ADGRG2: variants seen among roughly 807,000 people sequenced by gnomAD.
ADGRG2 encodes the protein G protein-coupled receptor 64.
A neutral mutation model predicts 74.1 loss-of-function variants in ADGRG2; 26 were observed. The ratio of observed to expected loss-of-function variants is 0.35; its 90% CI spans 0.26 to 0.49. The LOEUF (loss-of-function observed/expected upper bound fraction) is 0.49. Among genes scored for constraint, ADGRG2 ranks in the 20% least tolerant of loss-of-function variants. ADGRG2 has a pLI of 0.99. For missense variants in ADGRG2, 619 were observed against 763.1 expected (o/e 0.81, Z 2.22); for synonymous variants, 296 against 295.2 (o/e 1.00, Z -0.03).
intron 3 of ADGRG2, among the ~76,000 whole-genome samples, chrX:19,063,567 G>A (rs901154899): frequency 1.8e-5 from 2 of 112,509 alleles, no homozygotes; most frequent in Non-Finnish European, 3.8e-5. Context: ...GATAATGTGC[G>A]TAAAGCACCT....
At position 19,010,609 on chromosome X, in the gene ADGRG2, G is replaced by A. The variant is rs767149913; in HGVS notation, c.1265+4C>T. On this transcript the variant is annotated splice_donor_region_variant and intron_variant, in intron 17 of 28. Coordinates refer to ENST00000379869, the MANE Select transcript of ADGRG2 (RefSeq NM_001079858.3). ...TACCACCACTTCAGTTTGCGAAGTC[G>A]TACCTTTGAGCCAGAGGGGCCAGCA... 71 of 1,198,268 alleles carry A rather than the reference G, an allele frequency of 5.9e-5. No individual in the cohort carries two copies. Among genetic ancestry groups the A allele is most frequent in the African/African-American group, 3.5e-5 (2 of 56,717 alleles).
chrX:19,083,027 G>A (rs1161882271), intron 1 of ADGRG2, among the ~76,000 whole-genome samples: 1 of 111,002 alleles, frequency 9.0e-6, no homozygotes, highest in Non-Finnish European at 1.9e-5. Context: ...GTTTTGAGAC[G>A]GAGTCTCACT....
intron 3 of ADGRG2, among the ~76,000 whole-genome samples, chrX:19,058,805 C>T (rs1057305825): frequency 2.7e-5 from 3 of 112,318 alleles, no homozygotes; most frequent in Non-Finnish European, 5.6e-5. Context: ...AATGTGAGGC[C>T]TCTTGGCAAG....
intron 23 of ADGRG2, among the ~76,000 whole-genome samples, chrX:19,003,567 T>C: frequency 9.0e-6 from 1 of 110,890 alleles, no homozygotes; most frequent in East Asian, 2.8e-4. Context: ...TATATGTGTA[T>C]ATGGGGTGGG....
chrX:19,100,246 C>T (rs1232883314), intron 1 of ADGRG2, among the ~76,000 whole-genome samples: 1 of 112,742 alleles, frequency 8.9e-6, no homozygotes, highest in Non-Finnish European at 1.9e-5. Context: ...CAAAAGTTAT[C>T]ATAGGTAAAA....
At chrX:19,107,496 T>C (rs764757498) in intron 1 of ADGRG2, among the ~76,000 whole-genome samples, 1 of 111,998 alleles carries the variant, frequency 8.9e-6, no homozygotes, top group Non-Finnish European at 1.9e-5. Flanking sequence ...TTTCTTCCTT[T>C]CTTTGTCCTT....
chrX:19,115,841 G>A (rs1427106156), intron 1 of ADGRG2, among the ~76,000 whole-genome samples: 11 of 110,448 alleles, frequency 1.0e-4, no homozygotes, highest in South Asian at 3.9e-4. Context: ...AGGAGTTTGC[G>A]GCTGCAGTGA....
chrX:19,020,751 G>A (rs758436080), intron 14 of ADGRG2, among the ~76,000 whole-genome samples: 11 of 111,378 alleles, frequency 9.9e-5, no homozygotes, highest in African/African-American at 2.3e-4. Flanking sequence ...CACTTGAGCC[G>A]AGGAGTTCAA....
At chrX:19,051,701 T>C (rs2061326027) in intron 3 of ADGRG2, among the ~76,000 whole-genome samples, 1 of 111,444 alleles carries the variant, frequency 9.0e-6, no homozygotes, top group South Asian at 3.8e-4. Context: ...CTCTTATCCT[T>C]AGAACTCAGG....
At chrX:19,014,853 G>A (rs190741098) in intron 15 of ADGRG2, among the ~76,000 whole-genome samples, 2 of 111,378 alleles carry the variant, frequency 1.8e-5, no homozygotes, top group Admixed American at 9.6e-5. Flanking sequence ...GGCTGGTCTC[G>A]AACTCCTGAC....
At chrX:19,043,754 C>T (rs2061119852) in intron 3 of ADGRG2, among the ~76,000 whole-genome samples, 1 of 77,076 alleles carries the variant, frequency 1.3e-5, no homozygotes, top group Admixed American at 1.5e-4. Context: ...TACATCCCCT[C>T]CCAGGCATTT....
intron 3 of ADGRG2, among the ~76,000 whole-genome samples, chrX:19,048,396 C>T (rs190585219): frequency 8.9e-5 from 10 of 111,774 alleles, no homozygotes; most frequent in Admixed American, 3.8e-4. Flanking sequence ...CTATGAGGTA[C>T]GTTATCCCCA....
intron 6 of ADGRG2, among the ~76,000 whole-genome samples, chrX:19,036,616 A>AACACACAC (rs534574581): frequency 0.15 from 14,417 of 94,421 alleles, 1,212 homozygotes; most frequent in Non-Finnish European, 0.22. Flanking sequence ...TCATACTTAA[A>AACACACAC]ACACACACAC....
At chrX:19,064,820 GT>G (rs2061540391) in intron 3 of ADGRG2, among the ~76,000 whole-genome samples, 2 of 111,925 alleles carry the variant, frequency 1.8e-5, no homozygotes, top group Non-Finnish European at 3.8e-5. Flanking sequence ...CCGAAGGCAA[GT>G]TGCTTAACTC....
chrX:19,057,893 A>T (rs2061430299), intron 3 of ADGRG2, among the ~76,000 whole-genome samples: 1 of 112,246 alleles, frequency 8.9e-6, no homozygotes, highest in South Asian at 3.7e-4. Context: ...GTTTGGGATT[A>T]TATCAATACT....
At chrX:19,105,883 G>A (rs1602127572) in intron 1 of ADGRG2, among the ~76,000 whole-genome samples, 1 of 86,726 alleles carries the variant, frequency 1.2e-5, no homozygotes, top group African/African-American at 5.0e-5. Flanking sequence ...AGCCAAGATC[G>A]CACCACTGCA....
intron 2 of ADGRG2, among the ~76,000 whole-genome samples, chrX:19,077,255 G>A (rs759278464): frequency 9.4e-6 from 1 of 106,891 alleles, no homozygotes; most frequent in African/African-American, 3.4e-5. Flanking sequence ...CCAACACTTC[G>A]GGAGGCCGAA....
intron 3 of ADGRG2, among the ~76,000 whole-genome samples, chrX:19,042,948 A>G (rs1158748910): frequency 9.1e-6 from 1 of 109,760 alleles, no homozygotes; most frequent in East Asian, 2.9e-4. Flanking sequence ...CTGAGATCAC[A>G]CCACTGCACT....
At chrX:19,073,760 G>A in intron 2 of ADGRG2, among the ~76,000 whole-genome samples, 1 of 111,637 alleles carries the variant, frequency 9.0e-6, no homozygotes, top group Non-Finnish European at 1.9e-5. Context: ...CTGGTTAACT[G>A]GCATACTTTG....
Sources: allele counts gnomAD v4.1 joint callset (sites outside exome capture counted in the v4.1 genomes callset), GRCh38; gene constraint gnomAD v4.1.1; transcripts MANE v1.5; gene names NCBI Gene and HGNC (gene_info 2026-07-23, HGNC 2026-07-21).